The following FRRS1 variants were observed in gnomAD, a reference collection of about 807,000 sequenced individuals.
The protein encoded by FRRS1 is ferric reductase 1.
FRRS1 carries 51 observed loss-of-function variants against 70.7 expected under a neutral mutation model. The observed-to-expected ratio is 0.72, with a 90% CI of 0.58 to 0.91. FRRS1 has a LOEUF of 0.91. FRRS1 is among the 40% of genes least tolerant of loss of function. The probability of loss-of-function intolerance (pLI) is 0.00; values close to 1 mark genes in which losing one functional copy is unlikely to be tolerated. For synonymous variants in FRRS1, 225 were observed against 238.7 expected (o/e 0.94, Z 0.53); for missense variants, 672 against 726.0 (o/e 0.93, Z 0.86).
chr1:99,712,074 T>C, intron 14 of FRRS1, 31 bp downstream of exon 14: 2 of 1,466,262 alleles, frequency 1.4e-6, no homozygotes, highest in Non-Finnish European at 1.9e-6. Context: ...CTAGCAATTA[T>C]ATATGAATAA....
At chr1:99,730,171 T>G (rs1044275387) in intron 7 of FRRS1, among the ~76,000 whole-genome samples, 1 of 152,186 alleles carries the variant, frequency 6.6e-6, no homozygotes, top group African/African-American at 2.4e-5. Flanking sequence ...GATATTTATT[T>G]ATTAATAAAT....
chr1:99,737,927 G>A (rs1438845980), intron 7 of FRRS1, among the ~76,000 whole-genome samples, 159 bp downstream of exon 7: 1 of 152,152 alleles, frequency 6.6e-6, no homozygotes, highest in Admixed American at 6.5e-5. Flanking sequence ...ATTTTTAGTA[G>A]AGGTGGGGTT....
chr1:99,731,565 C>A (rs1655388829), intron 7 of FRRS1, among the ~76,000 whole-genome samples: 1 of 152,138 alleles, frequency 6.6e-6, no homozygotes, highest in African/African-American at 2.4e-5. Context: ...AAGCTTGTTT[C>A]TATATAGCTC....
chr1:99,722,200 G>C (rs1349641604), intron 9 of FRRS1, among the ~76,000 whole-genome samples: 2 of 151,748 alleles, frequency 1.3e-5, no homozygotes, highest in East Asian at 1.9e-4. Flanking sequence ...TGTGGAGATG[G>C]GTTTCATCAT....
chr1:99,728,764 A>G, intron 8 of FRRS1, 124 bp from the exon 9 acceptor site: 2 of 647,866 alleles, frequency 3.1e-6, no homozygotes. Context: ...CTTTGTCTGC[A>G]GTGTCATTGT....
chr1:99,744,969 CAAAAAAAAAAAAAAAAAAAA>C (rs71075450), intron 4 of FRRS1, among the ~76,000 whole-genome samples: 1 of 91,746 alleles, frequency 1.1e-5, no homozygotes, highest in Non-Finnish European at 2.1e-5. Flanking sequence ...GACTCCGTCT[CAAAAAAAAAAAAAAAAAAAA>C]AAAAAAAAGA....
intron 14 of FRRS1, chr1:99,711,293 T>TG (rs1654262609): frequency 4.4e-6 from 1 of 224,772 alleles, no homozygotes; most frequent in Admixed American, 5.1e-5. Flanking sequence ...TCTCCTCTTT[T>TG]GGAGTCCCCA....
chr1:99,707,065 A>C lies in FRRS1; in HGVS notation c.*1963T>G, dbSNP rs1289493285. On this transcript the variant is annotated 3_prime_UTR_variant, in exon 17 of 17. Transcript: ENST00000646001. Reference sequence around the variant, plus strand: ...GACCTTCAAAAGGAAAATTTAGATTATAAGTAGCATGGCACATATAGAATA... The same window carrying C: ...GACCTTCAAAAGGAAAATTTAGATTCTAAGTAGCATGGCACATATAGAATA... Among the ~76,000 whole-genome samples the C allele has an allele frequency of 2.6e-5, 4 of 152,174 alleles. No homozygotes were observed. The highest frequency in any genetic ancestry group is 9.7e-5 in the African/African-American group (4 of 41,436).
rs147464812 is a variant in FRRS1, at chr1:99,755,622, G to A, written c.-105-6621C>T. Among the ~76,000 whole-genome samples, 370 of 152,300 alleles carry A rather than the reference G, an allele frequency of 2.4e-3. 2 individuals are homozygous for A. Among genetic ancestry groups the A allele is most frequent in the African/African-American group, 8.7e-3 (361 of 41,570 alleles). ...GTCAGTGAAAATGGAAACAAAACTT[G>A]ATATCCAGTCTCTGCTGTGCACTAA... is the stretch of plus-strand genomic sequence containing the variant. On this transcript the variant is annotated intron_variant, in intron 1 of 16. Transcript: ENST00000646001.
At chr1:99,710,268 A>C (rs1040938769) in intron 15 of FRRS1, among the ~76,000 whole-genome samples, 1 of 152,190 alleles carries the variant, frequency 6.6e-6, no homozygotes, top group African/African-American at 2.4e-5. Flanking sequence ...CTCCACTCCT[A>C]ATGGTGGCTA....
rs148199377 is a variant in FRRS1 at position 99,747,557 on chromosome 1, T to A, written c.197-127A>T. 4,727 of 864,668 alleles carry A rather than the reference T, an allele frequency of 5.5e-3. 34 individuals carry two copies. The highest frequency in any genetic ancestry group is 0.039 in the Middle Eastern group (111 of 2,818). The allele number at this position is 864,668 out of a possible 1,614,324, so 53.6% of individuals were successfully genotyped here. ...AGTACTCCTGGAGAGAAAACAGTCA[T>A]CTTATAGGCAAAGAAGCTCTAAACT... On this transcript the variant is annotated intron_variant, in intron 3 of 16. Coordinates refer to ENST00000646001, the MANE Select transcript of FRRS1 (RefSeq NM_001361041.2).
At chr1:99,762,099 T>G (rs1657136069) in intron 1 of FRRS1, among the ~76,000 whole-genome samples, 1 of 152,156 alleles carries the variant, frequency 6.6e-6, no homozygotes, top group Non-Finnish European at 1.5e-5. Context: ...TATCCATAGC[T>G]TCAAATCAGA....
intron 15 of FRRS1, among the ~76,000 whole-genome samples, chr1:99,709,685 C>T (rs75827467): frequency 0.013 from 1,993 of 152,208 alleles, 45 homozygotes; most frequent in African/African-American, 0.046. Context: ...AGTAAGCCAT[C>T]AGCCAAGCAT....
chr1:99,763,804 G>A (rs1018532456), intron 1 of FRRS1, among the ~76,000 whole-genome samples: 1 of 150,398 alleles, frequency 6.6e-6, no homozygotes, highest in Admixed American at 6.7e-5. Context: ...GGAGGCAGAG[G>A]TTGAGGTGAG....
At chr1:99,759,664 TG>T (rs1185051363) in intron 1 of FRRS1, among the ~76,000 whole-genome samples, 2 of 152,078 alleles carry the variant, frequency 1.3e-5, no homozygotes, top group African/African-American at 4.8e-5. Flanking sequence ...TAAAATTTTG[TG>T]GACAAAGGGA....
Position 99,710,690 on chromosome 1 carries a change from C to T in FRRS1, c.1624+116G>A. 4 of 846,356 alleles carry T rather than the reference C, an allele frequency of 4.7e-6. No homozygotes were observed. In the South Asian group the frequency reaches 8.9e-5, roughly 19 times the overall value. 52.4% of individuals were successfully genotyped at this position (846,356 alleles called of 1,614,324 possible). On this transcript the variant is annotated intron_variant, in intron 15 of 16. Transcript: ENST00000646001. ...ATTTCTAGCACTGGCTGAGTGATCA[C>T]AAGTTTTTAGTGAGCTAACAATGTA... is the stretch of plus-strand genomic sequence containing the variant.
chr1:99,747,968 C>T (rs1278368837), intron 3 of FRRS1: 1 of 152,198 alleles, frequency 6.6e-6, no homozygotes, highest in Admixed American at 6.5e-5. Context: ...TATTGAATTA[C>T]AAAAAAAGAA....
chr1:99,738,568 C>T (rs1300497070), intron 6 of FRRS1, among the ~76,000 whole-genome samples: 3 of 152,114 alleles, frequency 2.0e-5, no homozygotes, highest in Non-Finnish European at 2.9e-5. Context: ...AAACATTTCA[C>T]ATTAAGTAAG....
intron 6 of FRRS1, among the ~76,000 whole-genome samples, chr1:99,738,916 G>A (rs909501680): frequency 6.6e-6 from 1 of 152,060 alleles, no homozygotes; most frequent in Non-Finnish European, 1.5e-5. Flanking sequence ...AGGAATATAA[G>A]ACGAAGAGTC....
Sources: allele counts gnomAD v4.1 joint callset (sites outside exome capture counted in the v4.1 genomes callset), GRCh38; gene constraint gnomAD v4.1.1; transcripts MANE v1.5; gene names NCBI Gene and HGNC (gene_info 2026-07-23, HGNC 2026-07-21).